BNC2: variants seen among roughly 807,000 people sequenced by gnomAD.
BNC2 encodes basonuclin zinc finger protein 2.
BNC2 carries 20 observed loss-of-function variants against 76.3 expected under a neutral mutation model. The observed-to-expected ratio is 0.26, with a 90% CI of 0.18 to 0.38. BNC2 has a LOEUF of 0.38. BNC2 is among the 10% of genes least tolerant of loss of function. BNC2 has a pLI of 1.00. For synonymous variants in BNC2, 582 were observed against 514.8 expected (o/e 1.13, Z -1.77); for missense variants, 1,382 against 1,399.8 (o/e 0.99, Z 0.20).
chr9:16,609,506 A>G (rs1481546011), intron 3 of BNC2, among the ~76,000 whole-genome samples: 1 of 152,206 alleles, frequency 6.6e-6, no homozygotes, highest in Non-Finnish European at 1.5e-5. Context: ...ATGAGCATAT[A>G]GAAATAACTG....
intron 2 of BNC2, among the ~76,000 whole-genome samples, chr9:16,731,051 T>C (rs1017143829): frequency 2.6e-5 from 4 of 152,180 alleles, no homozygotes; most frequent in African/African-American, 9.6e-5. Flanking sequence ...TGTAGAACAT[T>C]TGACATTAGG....
At chr9:16,667,149 C>T (rs1696141753) in intron 3 of BNC2, among the ~76,000 whole-genome samples, 2 of 151,908 alleles carry the variant, frequency 1.3e-5, no homozygotes, top group Non-Finnish European at 2.9e-5. Context: ...AGTACTGTCA[C>T]TAGAATACAT....
intron 3 of BNC2, chr9:16,626,116 AGACAT>A (rs1479400153): frequency 2.0e-5 from 3 of 152,234 alleles, no homozygotes; most frequent in Non-Finnish European, 2.9e-5. Flanking sequence ...TCTTTAGCAC[AGACAT>A]GTGTACTGAA....
intron 4 of BNC2, among the ~76,000 whole-genome samples, chr9:16,553,141 C>A (rs1300718938): frequency 6.6e-6 from 1 of 152,116 alleles, no homozygotes; most frequent in Non-Finnish European, 1.5e-5. Flanking sequence ...GTCCCCTACC[C>A]CCCACCAAAA....
chr9:16,769,843 G>C (rs567301511), intron 1 of BNC2, among the ~76,000 whole-genome samples: 7 of 152,132 alleles, frequency 4.6e-5, no homozygotes, highest in Non-Finnish European at 1.0e-4. Context: ...GCTTGCAAAC[G>C]TGAGAAAACC....
chr9:16,576,768 T>C lies in BNC2; in HGVS notation c.433+6215A>G, dbSNP rs534276695. On this transcript the variant is annotated intron_variant, in intron 4 of 6. Coordinates refer to ENST00000380672, the MANE Select transcript of BNC2 (RefSeq NM_017637.6). ...TTGTTGTTGTTGTTGAGATGGAGTC[T>C]CGCTCTGTCGCCATGCTGGAGTGCA... Among the ~76,000 whole-genome samples, 5 of 152,348 alleles carry C rather than the reference T, an allele frequency of 3.3e-5. No homozygotes were observed. The South Asian group carries it at 1.0e-3, about 32-fold the overall frequency.
At chr9:16,769,305 C>T (rs1167027679) in intron 1 of BNC2, among the ~76,000 whole-genome samples, 1 of 152,152 alleles carries the variant, frequency 6.6e-6, no homozygotes, top group South Asian at 2.1e-4. Context: ...AGTTCTAGCA[C>T]AGTGCCTAGC....
intron 5 of BNC2, among the ~76,000 whole-genome samples, chr9:16,494,221 C>T (rs529108401): frequency 2.6e-5 from 4 of 152,054 alleles, no homozygotes; most frequent in Admixed American, 6.5e-5. Flanking sequence ...GACACAATCT[C>T]GGCTCACTGC....
At chr9:16,859,525 G>A (rs1165442293) in intron 1 of BNC2, among the ~76,000 whole-genome samples, 2 of 152,136 alleles carry the variant, frequency 1.3e-5, no homozygotes, top group African/African-American at 4.8e-5. Flanking sequence ...TAAAAATGAA[G>A]ACAATTCTGT....
At chr9:16,860,156 G>A (rs891327717) in intron 1 of BNC2, among the ~76,000 whole-genome samples, 18 of 151,860 alleles carry the variant, frequency 1.2e-4, no homozygotes, top group African/African-American at 4.4e-4. Flanking sequence ...TACATTTTAC[G>A]TTGTTTTCTA....
intron 1 of BNC2, among the ~76,000 whole-genome samples, chr9:16,790,336 T>C (rs1005187405): frequency 1.3e-5 from 2 of 152,248 alleles, no homozygotes; most frequent in Admixed American, 6.5e-5. Context: ...ATTATGATTG[T>C]TCTATGACCT....
chr9:16,432,005 G>A (rs995174406), intron 6 of BNC2, among the ~76,000 whole-genome samples: 2 of 152,118 alleles, frequency 1.3e-5, no homozygotes, highest in Admixed American at 6.5e-5. Flanking sequence ...CCGGGGTTGG[G>A]GACCCCTGCT....
intron 5 of BNC2, among the ~76,000 whole-genome samples, chr9:16,530,316 A>T (rs1224048338): frequency 6.6e-6 from 1 of 152,068 alleles, no homozygotes; most frequent in African/African-American, 2.4e-5. Context: ...GTTTTATTAT[A>T]CCTGCAAAAT....
intron 2 of BNC2, among the ~76,000 whole-genome samples, chr9:16,736,713 A>T (rs1462444585): frequency 1.3e-5 from 2 of 151,548 alleles, no homozygotes; most frequent in Admixed American, 6.6e-5. Flanking sequence ...TGACCTTGTG[A>T]TCCGCCTCTC....
At chr9:16,424,042 T>A (rs1349453205) in intron 6 of BNC2, among the ~76,000 whole-genome samples, 1 of 152,156 alleles carries the variant, frequency 6.6e-6, no homozygotes, top group African/African-American at 2.4e-5. Flanking sequence ...ATGAAAACTT[T>A]ACCATGCAAC....
At chr9:16,848,355 G>A (rs1819040982) in intron 1 of BNC2, among the ~76,000 whole-genome samples, 1 of 152,178 alleles carries the variant, frequency 6.6e-6, no homozygotes, top group Non-Finnish European at 1.5e-5. Flanking sequence ...CATAAAGCTT[G>A]TAATTAAGTG....
chr9:16,624,821 G>T (rs1417815539), intron 3 of BNC2, among the ~76,000 whole-genome samples: 1 of 152,172 alleles, frequency 6.6e-6, no homozygotes, highest in Non-Finnish European at 1.5e-5. Flanking sequence ...TTTAAAGAAT[G>T]ATCTTTATGT....
chr9:16,761,674 G>A (rs1029620293), intron 1 of BNC2, among the ~76,000 whole-genome samples: 5 of 152,098 alleles, frequency 3.3e-5, no homozygotes, highest in Admixed American at 6.5e-5. Context: ...AATAAATGAT[G>A]GATGTCTTTA....
chr9:16,853,266 T>C (rs1819170274), intron 1 of BNC2, among the ~76,000 whole-genome samples: 1 of 132,726 alleles, frequency 7.5e-6, no homozygotes, highest in Admixed American at 8.1e-5. Context: ...AAAAACTAGC[T>C]GGCCGTGGTG....
Sources: allele counts gnomAD v4.1 joint callset (sites outside exome capture counted in the v4.1 genomes callset), GRCh38; gene constraint gnomAD v4.1.1; transcripts MANE v1.5; gene names NCBI Gene and HGNC (gene_info 2026-07-23, HGNC 2026-07-21).